Variants in CDH18 observed in about 807,000 individuals in gnomAD.
CDH18 encodes cadherin-18.
In CDH18, 31 loss-of-function variants were observed where a neutral mutation model predicts 67.9. That is an observed-to-expected ratio of 0.46 (90% confidence interval 0.34 to 0.62). The LOEUF is 0.62. CDH18 is among the 20% of genes least tolerant of loss of function. CDH18 has a pLI of 0.01. For synonymous variants in CDH18, 362 were observed against 347.2 expected, an observed-to-expected ratio of 1.04 and a Z score of -0.48; for missense variants, 890 against 975.5, an observed-to-expected ratio of 0.91 and a Z score of 1.17.
intron 2 of CDH18, among the ~76,000 whole-genome samples, chr5:20,114,608 GA>G (rs1263531990): frequency 1.3e-5 from 2 of 151,934 alleles, no homozygotes; most frequent in Admixed American, 6.6e-5. Flanking sequence ...AGGAGTGGAA[GA>G]AAAAAATCAT....
At chr5:19,909,653 T>C (rs1790915587) in intron 2 of CDH18, among the ~76,000 whole-genome samples, 1 of 150,250 alleles carries the variant, frequency 6.7e-6, no homozygotes, top group Non-Finnish European at 1.5e-5. Context: ...ATTACAGCAT[T>C]AGAAGTCTGA....
chr5:20,509,199 C>T (rs1342581332), intron 1 of CDH18, among the ~76,000 whole-genome samples: 1 of 152,086 alleles, frequency 6.6e-6, no homozygotes, highest in African/African-American at 2.4e-5. Flanking sequence ...TTGTTCTCCT[C>T]CCTAACAGAA....
chr5:19,869,529 T>A (rs983789226), intron 2 of CDH18, among the ~76,000 whole-genome samples: 1 of 152,044 alleles, frequency 6.6e-6, no homozygotes, highest in African/African-American at 2.4e-5. Context: ...AAAATAAAAA[T>A]CTTCTTTTGT....
chr5:19,699,033 A>T (rs1375784664), intron 5 of CDH18, among the ~76,000 whole-genome samples: 1 of 152,144 alleles, frequency 6.6e-6, no homozygotes, highest in African/African-American at 2.4e-5. Context: ...CCTAATCAGC[A>T]TTTCTTCTGT....
At chr5:20,122,397 A>G (rs964954678) in intron 2 of CDH18, among the ~76,000 whole-genome samples, 5 of 152,210 alleles carry the variant, frequency 3.3e-5, no homozygotes, top group Admixed American at 2.6e-4. Context: ...CTTAGTAATG[A>G]TCCACAAAAT....
intron 2 of CDH18, among the ~76,000 whole-genome samples, chr5:20,127,119 G>A (rs1250534833): frequency 6.6e-6 from 1 of 152,078 alleles, no homozygotes; most frequent in Non-Finnish European, 1.5e-5. Context: ...ATTAAATCAT[G>A]GGGTGGTTTC....
chr5:20,365,189 G>A (rs1470420568), intron 1 of CDH18, among the ~76,000 whole-genome samples: 1 of 152,138 alleles, frequency 6.6e-6, no homozygotes. Flanking sequence ...TTCCTGGCTT[G>A]TAGATGGCTG....
intron 1 of CDH18, among the ~76,000 whole-genome samples, chr5:20,487,834 T>C (rs545394343): frequency 1.9e-4 from 29 of 152,184 alleles, no homozygotes; most frequent in Non-Finnish European, 4.0e-4. Context: ...CACATCTCCA[T>C]GACAATATTC....
At chr5:20,548,006 G>T (rs1757433154) in intron 1 of CDH18, among the ~76,000 whole-genome samples, 1 of 151,448 alleles carries the variant, frequency 6.6e-6, no homozygotes, top group African/African-American at 2.4e-5. Context: ...TTTGTATTCA[G>T]TAAGTAGAAA....
intron 1 of CDH18, among the ~76,000 whole-genome samples, chr5:20,525,929 T>C (rs1456272372): frequency 1.3e-5 from 2 of 152,158 alleles, no homozygotes; most frequent in Admixed American, 6.5e-5. Context: ...CTTCTCTGAA[T>C]TTAAAGAAAA....
At chr5:19,514,611 T>C (rs962710535) in intron 10 of CDH18, among the ~76,000 whole-genome samples, 2 of 152,248 alleles carry the variant, frequency 1.3e-5, no homozygotes, top group Non-Finnish European at 2.9e-5. Flanking sequence ...GATGAGCATT[T>C]TTTCATGCGT....
chr5:20,337,200 A>G (rs987613509), intron 1 of CDH18, among the ~76,000 whole-genome samples: 1 of 152,096 alleles, frequency 6.6e-6, no homozygotes, highest in Non-Finnish European at 1.5e-5. Context: ...ACCTAGAGAC[A>G]TTTTCCCCCA....
At chr5:20,105,399 GAATGTTGTACACGT>G (rs1229294850) in intron 2 of CDH18, among the ~76,000 whole-genome samples, 3 of 152,174 alleles carry the variant, frequency 2.0e-5, no homozygotes, top group Non-Finnish European at 4.4e-5. Context: ...GTTAGACACT[GAATGTTGTACACGT>G]AATATTTCCA....
chr5:20,541,043 G>T (rs1229026053), intron 1 of CDH18, among the ~76,000 whole-genome samples: 3 of 152,080 alleles, frequency 2.0e-5, no homozygotes, highest in African/African-American at 4.8e-5. Flanking sequence ...CGTGCTATTT[G>T]GTCATTGTCA....
intron 1 of CDH18, among the ~76,000 whole-genome samples, chr5:20,538,205 A>T (rs942719717): frequency 6.6e-6 from 1 of 152,144 alleles, no homozygotes; most frequent in Non-Finnish European, 1.5e-5. Flanking sequence ...TCCACAATTC[A>T]CAAAACAGAA....
chr5:20,111,238 G>A (rs1289714897), intron 2 of CDH18, among the ~76,000 whole-genome samples: 1 of 152,130 alleles, frequency 6.6e-6, no homozygotes, highest in Non-Finnish European at 1.5e-5. Context: ...CTCTTCCTAA[G>A]TATTACTTGT....
chr5:20,367,183 A>G (rs886122335), intron 1 of CDH18, among the ~76,000 whole-genome samples: 1 of 152,178 alleles, frequency 6.6e-6, no homozygotes. Flanking sequence ...ATACAGTGGT[A>G]TTTGTTAGCT....
At chr5:20,336,724 C>CAAAAAAAAAAAAAAAAAAAAAAAAAA in intron 1 of CDH18, among the ~76,000 whole-genome samples, 1 of 63,470 alleles carries the variant, frequency 1.6e-5, no homozygotes, top group Non-Finnish European at 2.8e-5. Context: ...GCCTCTGTCT[C>CAAAAAAAAAAAAAAAAAAAAAAAAAA]AAAAAAAAAA....
intron 11 of CDH18, among the ~76,000 whole-genome samples, chr5:19,487,617 C>T (rs1215415386): frequency 6.6e-6 from 1 of 152,038 alleles, no homozygotes; most frequent in Non-Finnish European, 1.5e-5. Context: ...TTTCCATAAA[C>T]CATACCCTTA....
Sources: allele counts gnomAD v4.1 joint callset (sites outside exome capture counted in the v4.1 genomes callset), GRCh38; gene constraint gnomAD v4.1.1; transcripts MANE v1.5; gene names NCBI Gene and HGNC (gene_info 2026-07-23, HGNC 2026-07-21).